Variants in ZDHHC15 observed in about 807,000 individuals in gnomAD.
The protein encoded by ZDHHC15 is palmitoyltransferase ZDHHC15.
A neutral mutation model predicts 31.7 loss-of-function variants in ZDHHC15; 19 were observed. That is an observed-to-expected ratio of 0.60 (90% CI 0.42 to 0.88). The LOEUF (loss-of-function observed/expected upper bound fraction) is 0.88. Ranked by LOEUF, ZDHHC15 falls within the 40% of genes least tolerant of loss-of-function variation. The probability of loss-of-function intolerance (pLI) is 0.00; values close to 1 mark genes in which losing one functional copy is unlikely to be tolerated. For synonymous variants in ZDHHC15, 103 were observed against 90.0 expected (o/e 1.14, Z -0.82); for missense variants, 209 against 251.2 (o/e 0.83, Z 1.14).
Position 75,464,707 on chromosome X carries a change from AACC to A in ZDHHC15, c.259-13788_259-13786del, listed in dbSNP as rs752838159. ...TCATATAAACAGAACTAAAGACAAA[AACC>A]ACATCATTATCTCAATAGATGCAGG... On this transcript the variant is annotated intron_variant, in intron 3 of 11. Coordinates refer to ENST00000373367, the MANE Select transcript of ZDHHC15 (RefSeq NM_144969.3). Among the ~76,000 whole-genome samples, 539 of 111,701 alleles carry A rather than the reference AACC, an allele frequency of 4.8e-3. 3 individuals are homozygous for A. Among genetic ancestry groups the A allele is most frequent in the African/African-American group, 0.017 (521 of 30,773 alleles).
At chrX:75,381,366 C>T (rs975740440) in intron 10 of ZDHHC15, among the ~76,000 whole-genome samples, 2 of 111,619 alleles carry the variant, frequency 1.8e-5, no homozygotes, top group African/African-American at 3.3e-5. Flanking sequence ...CATCTCTATA[C>T]AAATGACTCC....
At chrX:75,486,800 C>T (rs188725352) in intron 2 of ZDHHC15, among the ~76,000 whole-genome samples, 248 of 111,054 alleles carry the variant, frequency 2.2e-3, no homozygotes, top group African/African-American at 7.2e-3. Flanking sequence ...TGAGAATCAC[C>T]GCCCCTCCAC....
chrX:75,474,476 T>TAG, intron 3 of ZDHHC15, among the ~76,000 whole-genome samples: 1 of 67,694 alleles, frequency 1.5e-5, no homozygotes, highest in Non-Finnish European at 3.2e-5. Context: ...CACACACATA[T>TAG]ATGTACTTTT....
chrX:75,407,244 C>G (rs12688484), intron 10 of ZDHHC15, among the ~76,000 whole-genome samples: 2 of 110,315 alleles, frequency 1.8e-5, no homozygotes, highest in Non-Finnish European at 3.8e-5. Context: ...AGGTGAGGAG[C>G]GTCTCTGCCC....
intron 2 of ZDHHC15, among the ~76,000 whole-genome samples, chrX:75,479,793 T>A (rs2084660826): frequency 8.9e-6 from 1 of 111,906 alleles, no homozygotes; most frequent in African/African-American, 3.2e-5. Flanking sequence ...TTGTTTCACT[T>A]AAGATAATGG....
intron 9 of ZDHHC15, among the ~76,000 whole-genome samples, chrX:75,420,622 A>G (rs771182319): frequency 3.3e-3 from 372 of 111,528 alleles, no homozygotes; most frequent in Non-Finnish European, 5.7e-3. Context: ...ATACTATGCA[A>G]CCATCAAAAA....
intron 2 of ZDHHC15, among the ~76,000 whole-genome samples, chrX:75,489,435 A>G (rs1255315499): frequency 3.6e-5 from 4 of 111,638 alleles, no homozygotes; most frequent in African/African-American, 9.8e-5. Context: ...CTGCTCACCA[A>G]TATCCGCTGT....
chrX:75,393,839 C>G (rs2083271294), intron 10 of ZDHHC15, among the ~76,000 whole-genome samples: 2 of 111,704 alleles, frequency 1.8e-5, no homozygotes, highest in South Asian at 7.5e-4. Flanking sequence ...GGCTGAGGAG[C>G]AAGGAGAGCC....
At chrX:75,477,596 G>A (rs1036386657) in intron 3 of ZDHHC15, among the ~76,000 whole-genome samples, 1 of 111,360 alleles carries the variant, frequency 9.0e-6, no homozygotes, top group Non-Finnish European at 1.9e-5. Context: ...TGACTCTTTT[G>A]TAAATATATG....
intron 3 of ZDHHC15, among the ~76,000 whole-genome samples, chrX:75,471,671 T>A (rs970780343): frequency 8.9e-6 from 1 of 112,076 alleles, no homozygotes; most frequent in Non-Finnish European, 1.9e-5. Context: ...CCGAAAAGGC[T>A]GCCAGTTTTG....
chrX:75,484,411 C>T (rs986835941), intron 2 of ZDHHC15, among the ~76,000 whole-genome samples: 3 of 111,868 alleles, frequency 2.7e-5, no homozygotes, highest in African/African-American at 6.5e-5. Flanking sequence ...ACAGACACTT[C>T]GCATTAGAAG....
chrX:75,434,453 G>A (rs2083823596), intron 4 of ZDHHC15, among the ~76,000 whole-genome samples: 1 of 111,638 alleles, frequency 9.0e-6, no homozygotes, highest in Non-Finnish European at 1.9e-5. Context: ...CTTCTATAAT[G>A]TTTATGGTTT....
At chrX:75,445,161 C>A (rs892373203) in intron 4 of ZDHHC15, among the ~76,000 whole-genome samples, 2 of 111,078 alleles carry the variant, frequency 1.8e-5, no homozygotes, top group Non-Finnish European at 3.8e-5. Flanking sequence ...TATACATATA[C>A]CTCATTGTTC....
chrX:75,444,054 G>A (rs1339051087), intron 4 of ZDHHC15, among the ~76,000 whole-genome samples: 1 of 111,133 alleles, frequency 9.0e-6, no homozygotes, highest in Non-Finnish European at 1.9e-5. Flanking sequence ...GTGAAAGTCA[G>A]TGTGGCAATT....
chrX:75,510,151 A>T (rs928078957), intron 1 of ZDHHC15, among the ~76,000 whole-genome samples: 1 of 111,709 alleles, frequency 9.0e-6, no homozygotes, highest in Non-Finnish European at 1.9e-5. Context: ...TCCCTCTCAA[A>T]CCTGGATGAT....
intron 2 of ZDHHC15, among the ~76,000 whole-genome samples, chrX:75,490,725 T>A (rs2084871126): frequency 9.0e-6 from 1 of 111,470 alleles, no homozygotes. Flanking sequence ...TAAGTTGGAT[T>A]CCTAGGTATT....
chrX:75,445,759 G>T (rs1435880713), intron 4 of ZDHHC15, among the ~76,000 whole-genome samples: 2 of 111,705 alleles, frequency 1.8e-5, no homozygotes, highest in Non-Finnish European at 3.8e-5. Context: ...TTAGGATGGG[G>T]ATGTGTGGGA....
intron 4 of ZDHHC15, among the ~76,000 whole-genome samples, chrX:75,438,501 A>G (rs1018262702): frequency 9.1e-6 from 1 of 110,452 alleles, no homozygotes; most frequent in African/African-American, 3.3e-5. Flanking sequence ...TTTAGTGTCC[A>G]TTTGCATTGA....
At chrX:75,475,592 G>T (rs2084591619) in intron 3 of ZDHHC15, among the ~76,000 whole-genome samples, 1 of 111,905 alleles carries the variant, frequency 8.9e-6, no homozygotes, top group South Asian at 3.7e-4. Flanking sequence ...CTGTCCTTAT[G>T]CTAGTACCAC....
Sources: allele counts gnomAD v4.1 joint callset (sites outside exome capture counted in the v4.1 genomes callset), GRCh38; gene constraint gnomAD v4.1.1; transcripts MANE v1.5; gene names NCBI Gene and HGNC (gene_info 2026-07-23, HGNC 2026-07-21).